The following UCHL3 variants were observed in gnomAD, a reference collection of about 807,000 sequenced individuals.
UCHL3 encodes ubiquitin C-terminal hydrolase L3.
Under a neutral mutation model 35.8 loss-of-function variants are expected in UCHL3, and 22 were observed. The observed-to-expected ratio is 0.61, with a 90% CI of 0.44 to 0.88. The LOEUF (loss-of-function observed/expected upper bound fraction) is 0.88, where lower values mean the gene tolerates loss of function less well. Among genes scored for constraint, UCHL3 ranks in the 40% least tolerant of loss-of-function variants. The pLI, the probability that UCHL3 is intolerant of heterozygous loss-of-function variation, is 0.00. For missense variants in UCHL3, 229 were observed against 276.9 expected, an observed-to-expected ratio of 0.83 and a Z score of 1.23; for synonymous variants, 90 against 92.8, an observed-to-expected ratio of 0.97 and a Z score of 0.17.
chr13:75,577,272 A>G (rs970384731), intron 6 of UCHL3, among the ~76,000 whole-genome samples: 8 of 151,986 alleles, frequency 5.3e-5, no homozygotes, highest in African/African-American at 7.3e-5. Flanking sequence ...AAATATTTGG[A>G]AAAAAAAGAT....
chr13:75,553,540 T>C (rs980079205), intron 2 of UCHL3, among the ~76,000 whole-genome samples: 5 of 152,234 alleles, frequency 3.3e-5, no homozygotes, highest in African/African-American at 1.2e-4. Context: ...TCGAAGAGTC[T>C]CTGTTGCTAG....
In UCHL3 at chr13:75,601,651, C is replaced by T. The variant is rs182938648; in HGVS notation, c.551-3118C>T. On this transcript the variant is annotated intron_variant, in intron 7 of 8. Coordinates refer to ENST00000377595, the MANE Select transcript of UCHL3 (RefSeq NM_006002.5). Reference sequence around the variant, plus strand: ...GTAATATAAACATAACTTTTATATGCACTAGGAAACAAAAAAATTTGTGAC... The same window carrying T: ...GTAATATAAACATAACTTTTATATGTACTAGGAAACAAAAAAATTTGTGAC... Among the ~76,000 whole-genome samples, 344 of 152,166 alleles carry T rather than the reference C, an allele frequency of 2.3e-3. 1 individual carries two copies. Among genetic ancestry groups the T allele is most frequent in the Non-Finnish European group, 2.9e-3 (199 of 67,984 alleles).
At chr13:75,598,280 C>T (rs1331702877) in intron 7 of UCHL3, among the ~76,000 whole-genome samples, 1 of 152,144 alleles carries the variant, frequency 6.6e-6, no homozygotes, top group Non-Finnish European at 1.5e-5. Context: ...CATGATGCCC[C>T]ATTATCTTTA....
chr13:75,576,861 A>G (rs1209892462), intron 6 of UCHL3, among the ~76,000 whole-genome samples: 1 of 152,242 alleles, frequency 6.6e-6, no homozygotes, highest in Non-Finnish European at 1.5e-5. Context: ...AACCTGATAT[A>G]TACGTGCCCA....
At chr13:75,569,657 C>A in intron 6 of UCHL3, 150 bp downstream of exon 6, 1 of 676,304 alleles carries the variant, frequency 1.5e-6, no homozygotes, top group Non-Finnish European at 2.4e-6. Context: ...TTTGCTTAAG[C>A]AAAAGCAGTC....
chr13:75,564,565 T>A (rs2138484249), intron 3 of UCHL3, among the ~76,000 whole-genome samples: 1 of 152,316 alleles, frequency 6.6e-6, no homozygotes, highest in Non-Finnish European at 1.5e-5. Context: ...TTTAGAAATC[T>A]CCATACTGTT....
intron 2 of UCHL3, among the ~76,000 whole-genome samples, chr13:75,552,110 G>A (rs2031132707): frequency 6.6e-6 from 1 of 152,162 alleles, no homozygotes. Context: ...ATTATATCTG[G>A]CATGCTTTGG....
chr13:75,604,645 G>T, intron 7 of UCHL3, 124 bp from the exon 8 acceptor site: 2 of 567,876 alleles, frequency 3.5e-6, no homozygotes, highest in Non-Finnish European at 5.9e-6. Flanking sequence ...TTTGTTTTAG[G>T]ATATATTATT....
chr13:75,576,767 GTGTGTTATTGTAA>G (rs1432788300), intron 6 of UCHL3, among the ~76,000 whole-genome samples: 1 of 152,216 alleles, frequency 6.6e-6, no homozygotes, highest in Non-Finnish European at 1.5e-5. Flanking sequence ...TGTTGGTTGT[GTGTGTTATTGTAA>G]TGTGTAGCCC....
rs2031693086 is a variant in UCHL3 at position 75,566,680 on chromosome 13, T to A, written c.184-15T>A. On this transcript the variant is annotated splice_polypyrimidine_tract_variant and intron_variant, in intron 3 of 8. Transcript: ENST00000377595. ...ATTTTCCACAAATACACTGTTGACT[T>A]TTTTTTTTTAATAGTATGAAGTATT... The A allele has an allele frequency of 1.2e-6, 1 of 839,264 alleles. No homozygotes were observed. The highest frequency in any genetic ancestry group is 4.9e-5 in the East Asian group (1 of 20,438). The allele number at this position is 839,264 out of a possible 1,614,324, so 52.0% of individuals were successfully genotyped here. A position where few individuals can be genotyped will look rare whatever the true frequency, so the allele number is the denominator to read the frequency against.
chr13:75,549,830 C>G lies in UCHL3; in HGVS notation c.10C>G (p.Gln4Glu), dbSNP rs764320440. Residue 4 changes from glutamine to glutamate, a missense_variant, in exon 1 of 9, where the codon CAA becomes GAA. Gln to Glu is a conservative substitution (Grantham distance 29, BLOSUM62 2). Coordinates refer to ENST00000377595, the MANE Select transcript of UCHL3 (RefSeq NM_006002.5). ...GCCGGGCACCGCGGCCATGGAGGGTCAACGCTGGCTGCCGCTGGAGGCCAA... is the reference window on the plus strand; with the variant it reads ...GCCGGGCACCGCGGCCATGGAGGGTGAACGCTGGCTGCCGCTGGAGGCCAA... MEGQRWLPLEANPE... is the reference protein window; with the variant it reads MEGERWLPLEANPE... 2.5e-6 allele frequency: 4 copies of G among 1,594,056 alleles called. No individual in the cohort carries two copies. Among genetic ancestry groups the G allele is most frequent in the East Asian group, 4.5e-5 (2 of 44,160 alleles).
intron 3 of UCHL3, among the ~76,000 whole-genome samples, chr13:75,561,747 C>T (rs8192744): frequency 0.47 from 70,110 of 150,630 alleles, 17,179 homozygotes; most frequent in East Asian, 0.63. Flanking sequence ...ATATTTTAGT[C>T]TTTTTTTCTA....
chr13:75,566,892 T>C (rs746314174), intron 4 of UCHL3, 41 bp downstream of exon 4: 4 of 1,559,456 alleles, frequency 2.6e-6, no homozygotes, highest in Non-Finnish European at 3.5e-6. Context: ...CCCCTTAAGA[T>C]ACAAGTTAAT....
Position 75,565,159 on chromosome 13 carries a change from T to C in UCHL3, c.184-1536T>C, listed in dbSNP as rs75021921. On this transcript the variant is annotated intron_variant, in intron 3 of 8. Coordinates refer to ENST00000377595, the MANE Select transcript of UCHL3 (RefSeq NM_006002.5). ...ATTTCTTTTTTTCCTTTAGTTGCTT[T>C]GTATCATTTTAGGAATTTTTCCTAC... Among the ~76,000 whole-genome samples the C allele has an allele frequency of 2.3e-3, 343 of 152,290 alleles. 2 individuals are homozygous for C. The highest frequency in any genetic ancestry group is 7.7e-3 in the African/African-American group (322 of 41,558).
Position 75,567,303 on chromosome 13 carries a change from GAACT to G in UCHL3, c.419_422del (p.Asn140MetfsTer22). On this transcript the variant is annotated frameshift_variant, in exon 5 of 9. Coordinates refer to ENST00000377595, the MANE Select transcript of UCHL3 (RefSeq NM_006002.5). LOFTEE classifies it high-confidence loss of function. ...CTGAAGAACGAGCCAGATACCTGGA[GAACT>G]ATGATGTCGGTACCTTCTTTCCGTT... The G allele has an allele frequency of 6.2e-7, 1 of 1,614,128 alleles. No homozygotes were observed. Among genetic ancestry groups the G allele is most frequent in the Non-Finnish European group, 8.5e-7 (1 of 1,180,000 alleles).
chr13:75,600,147 G>C (rs895884521), intron 7 of UCHL3, among the ~76,000 whole-genome samples: 1 of 152,240 alleles, frequency 6.6e-6, no homozygotes, highest in Non-Finnish European at 1.5e-5. Context: ...GGAAGCTACA[G>C]AAGAAAGGTC....
chr13:75,569,835 A>C (rs1182575340), intron 6 of UCHL3, among the ~76,000 whole-genome samples: 1 of 152,202 alleles, frequency 6.6e-6, no homozygotes, highest in African/African-American at 2.4e-5. Context: ...TTTGAGAAAA[A>C]TACCTGCACT....
intron 4 of UCHL3, 61 bp from the exon 5 acceptor site, chr13:75,567,166 C>A: frequency 6.9e-7 from 1 of 1,438,978 alleles, no homozygotes; most frequent in Non-Finnish European, 9.7e-7. Flanking sequence ...CTAGTATTTT[C>A]ATATATTGGT....
chr13:75,564,104 A>G (rs1158219911), intron 3 of UCHL3, among the ~76,000 whole-genome samples: 2 of 151,690 alleles, frequency 1.3e-5, no homozygotes, highest in Non-Finnish European at 2.9e-5. Context: ...GTTTGTTTCC[A>G]TATCTTGGCT....
Sources: gnomAD v4.1 joint callset for allele counts (sites outside exome capture counted in the v4.1 genomes callset) on GRCh38, gnomAD v4.1.1 for gene constraint, MANE v1.5 for transcripts, NCBI Gene and HGNC (gene_info 2026-07-23, HGNC 2026-07-21) for gene names.